Variants in SV2C observed in about 807,000 individuals in gnomAD.
SV2C encodes the protein synaptic vesicle glycoprotein 2C.
Under a neutral mutation model 79.7 loss-of-function variants are expected in SV2C, and 49 were observed. The observed-to-expected ratio is 0.61, with a 90% confidence interval of 0.49 to 0.78. The LOEUF (loss-of-function observed/expected upper bound fraction) is 0.78. Ranked by LOEUF, SV2C falls within the 30% of genes least tolerant of loss-of-function variation. SV2C has a pLI of 0.00. For synonymous variants in SV2C, 334 were observed against 333.2 expected (o/e 1.00, Z -0.03); for missense variants, 833 against 912.9 (o/e 0.91, Z 1.13).
intron 12 of SV2C, among the ~76,000 whole-genome samples, chr5:76,317,437 C>T (rs1307902727): frequency 6.6e-6 from 1 of 151,780 alleles, no homozygotes; most frequent in African/African-American, 2.4e-5. Flanking sequence ...AGAACCACCC[C>T]CCCCAACACA....
the SV2C span, among the ~76,000 whole-genome samples, chr5:75,888,953 GGTT>G: frequency 6.6e-6 from 1 of 151,920 alleles, no homozygotes; most frequent in Non-Finnish European, 1.5e-5. Context: ...ATGTCAGCAG[GGTT>G]GTTTTCTTCT....
chr5:75,973,536 A>C, the SV2C span, among the ~76,000 whole-genome samples: 12 of 151,760 alleles, frequency 7.9e-5, no homozygotes, highest in Non-Finnish European at 1.6e-4. Flanking sequence ...AAAGTAAAGA[A>C]ATGTGTTTTC....
At chr5:76,270,082 A>G (rs1746793187) in intron 4 of SV2C, among the ~76,000 whole-genome samples, 1 of 152,232 alleles carries the variant, frequency 6.6e-6, no homozygotes, top group Non-Finnish European at 1.5e-5. Flanking sequence ...GAAGAAAAAT[A>G]GCATTTGAAT....
chr5:75,863,999 C>A, the SV2C span, among the ~76,000 whole-genome samples: 1 of 152,152 alleles, frequency 6.6e-6, no homozygotes, highest in African/African-American at 2.4e-5. Context: ...AGCCCTGTAA[C>A]TTTGAATCTC....
intron 1 of SV2C, among the ~76,000 whole-genome samples, chr5:76,104,137 A>G (rs1747828537): frequency 6.6e-6 from 1 of 152,230 alleles, no homozygotes; most frequent in African/African-American, 2.4e-5. Context: ...GACAGGATAT[A>G]TGATAGCTGT....
intron 12 of SV2C, 56 bp from the exon 13 acceptor site, chr5:76,325,308 G>C: frequency 6.4e-7 from 1 of 1,573,580 alleles, no homozygotes; most frequent in South Asian, 1.1e-5. Context: ...TTGGTCTAAA[G>C]TTGGAATCAT....
chr5:76,272,336 G>A (rs1746897872), intron 4 of SV2C, among the ~76,000 whole-genome samples: 1 of 152,168 alleles, frequency 6.6e-6, no homozygotes, highest in African/African-American at 2.4e-5. Context: ...AATCTTCTAG[G>A]AATAAACAGA....
chr5:76,130,376 G>A (rs1471473540), intron 1 of SV2C, among the ~76,000 whole-genome samples: 1 of 152,124 alleles, frequency 6.6e-6, no homozygotes, highest in African/African-American at 2.4e-5. Context: ...ACAAACATCT[G>A]TTTGTCTTTA....
chr5:76,250,392 T>C (rs187753222), intron 4 of SV2C, among the ~76,000 whole-genome samples: 124 of 152,318 alleles, frequency 8.1e-4, no homozygotes, highest in African/African-American at 3.0e-3. Flanking sequence ...CTCTCTCCTT[T>C]GGCACACTGT....
the SV2C span, among the ~76,000 whole-genome samples, chr5:75,963,310 C>A: frequency 1.3e-5 from 2 of 152,126 alleles, no homozygotes; most frequent in African/African-American, 4.8e-5. Context: ...TGCTTGAGTA[C>A]ACTCACAACG....
chr5:75,998,248 G>A, the SV2C span, among the ~76,000 whole-genome samples: 1 of 152,050 alleles, frequency 6.6e-6, no homozygotes, highest in Admixed American at 6.6e-5. Context: ...GTTAAATGAC[G>A]AGTTAATGGG....
At chr5:76,258,400 T>C (rs1200321385) in intron 4 of SV2C, among the ~76,000 whole-genome samples, 1 of 152,120 alleles carries the variant, frequency 6.6e-6, no homozygotes, top group Non-Finnish European at 1.5e-5. Flanking sequence ...GCTGCAAATG[T>C]CCTCTTCAGG....
chr5:76,180,458 G>A (rs1743685892), intron 2 of SV2C, among the ~76,000 whole-genome samples: 1 of 152,150 alleles, frequency 6.6e-6, no homozygotes, highest in South Asian at 2.1e-4. Flanking sequence ...TATTACATCT[G>A]CGGCTGTGGT....
rs2112496898 is a variant in SV2C at position 76,285,889 on chromosome 5, G to A, written c.1137+19G>A. ...CTTCACGGTGAGTCTTCTCCCCAGA[G>A]AATCCTCAACACCAGGGATTGGGAC... On this transcript the variant is annotated intron_variant, in intron 6 of 12. Transcript: ENST00000502798. 6.2e-7 allele frequency: 1 copy of A among 1,605,360 alleles called. No homozygotes were observed. Among genetic ancestry groups the A allele is most frequent in the South Asian group, 1.1e-5 (1 of 89,900 alleles).
At chr5:76,170,063 T>TTTTAA (rs1308555760) in intron 2 of SV2C, among the ~76,000 whole-genome samples, 2 of 152,116 alleles carry the variant, frequency 1.3e-5, no homozygotes, top group African/African-American at 4.8e-5. Context: ...TATTTTATTT[T>TTTTAA]TTTATTTTTA....
At chr5:75,924,799 AAAAAT>A in the SV2C span, among the ~76,000 whole-genome samples, 507 of 150,760 alleles carry the variant, frequency 3.4e-3, 1 homozygote, top group African/African-American at 0.011. Context: ...GTTTGATCAT[AAAAAT>A]AAAATAGGAA....
chr5:76,180,889 G>A lies in SV2C; in HGVS notation c.581-14030G>A, dbSNP rs113300570. Reference sequence around the variant, plus strand: ...CCTCTGACTTCTTTTCCTTCTTGCCGTCTAAATGTCACCATCCTCAAGGGT... The same window carrying A: ...CCTCTGACTTCTTTTCCTTCTTGCCATCTAAATGTCACCATCCTCAAGGGT... On this transcript the variant is annotated intron_variant, in intron 2 of 12. Coordinates refer to ENST00000502798, the MANE Select transcript of SV2C (RefSeq NM_014979.4). Among the ~76,000 whole-genome samples, 182 of 152,128 alleles carry A rather than the reference G, an allele frequency of 1.2e-3. 2 individuals carry two copies. Among genetic ancestry groups the A allele is most frequent in the Middle Eastern group, 3.4e-3 (1 of 294 alleles).
intron 2 of SV2C, among the ~76,000 whole-genome samples, chr5:76,173,076 A>G (rs1377563086): frequency 6.8e-6 from 1 of 145,994 alleles, no homozygotes; most frequent in Admixed American, 6.8e-5. Flanking sequence ...TACAAAAAAA[A>G]AAAAATTAAA....
At chr5:75,993,839 T>C in the SV2C span, among the ~76,000 whole-genome samples, 1 of 152,092 alleles carries the variant, frequency 6.6e-6, no homozygotes, top group Non-Finnish European at 1.5e-5. Context: ...GGTGCAGTGA[T>C]GCAATGAAAT....
Sources: gnomAD v4.1 joint callset for allele counts (sites outside exome capture counted in the v4.1 genomes callset) on GRCh38, gnomAD v4.1.1 for gene constraint, MANE v1.5 for transcripts, NCBI Gene and HGNC (gene_info 2026-07-23, HGNC 2026-07-21) for gene names.